The following INPP4B variants were observed in gnomAD, a reference collection of about 807,000 sequenced individuals.
INPP4B encodes the protein inositol polyphosphate-4-phosphatase type II B.
Under a neutral mutation model 122.5 loss-of-function variants are expected in INPP4B, and 55 were observed. The ratio of observed to expected loss-of-function variants is 0.45; its 90% CI spans 0.36 to 0.56. INPP4B has a LOEUF of 0.56. Ranked by LOEUF, INPP4B falls within the 20% of genes least tolerant of loss-of-function variation. INPP4B has a pLI of 0.00. For synonymous variants in INPP4B, 403 were observed against 388.7 expected (o/e 1.04, Z -0.43); for missense variants, 1,000 against 1,097.7 (o/e 0.91, Z 1.26).
In INPP4B at chr4:142,701,800, A is replaced by T. The variant is rs184205649; in HGVS notation, c.-191+24039T>A. On this transcript the variant is annotated intron_variant, in intron 2 of 25. Coordinates refer to ENST00000262992, the MANE Select transcript of INPP4B (RefSeq NM_001101669.3). ...GATAAACCCTTCTAGACATCTATCA[A>T]ATAGACACTTGGGTAGGTTGACTAC... is the stretch of plus-strand genomic sequence containing the variant. Among the ~76,000 whole-genome samples the T allele has an allele frequency of 2.2e-3, 335 of 152,284 alleles. 1 individual carries two copies. The highest frequency in any genetic ancestry group is 7.4e-3 in the African/African-American group (306 of 41,542).
chr4:142,393,768 G>A (rs959798980), intron 7 of INPP4B, among the ~76,000 whole-genome samples: 1 of 152,162 alleles, frequency 6.6e-6, no homozygotes, highest in Non-Finnish European at 1.5e-5. Flanking sequence ...TCAAACTGTG[G>A]TCAAATAAGG....
Position 142,716,315 on chromosome 4 carries a change from T to C in INPP4B, c.-191+9524A>G, listed in dbSNP as rs1763756482. Among the ~76,000 whole-genome samples, 3 of 152,202 alleles carry C rather than the reference T, an allele frequency of 2.0e-5. No individual in the cohort carries two copies. In the South Asian group the frequency reaches 6.2e-4, roughly 32 times the overall value. On this transcript the variant is annotated intron_variant, in intron 2 of 25. Transcript: ENST00000262992. ...TCAAACCTGTTTAATAACATACACA[T>C]ACATATTCTACAAAAATTAGCAAGC...
At chr4:142,345,439 A>T (rs1474321000) in intron 7 of INPP4B, among the ~76,000 whole-genome samples, 1 of 152,018 alleles carries the variant, frequency 6.6e-6, no homozygotes, top group East Asian at 1.9e-4. Context: ...AAAATTAAAG[A>T]AATGTGTATA....
intron 2 of INPP4B, among the ~76,000 whole-genome samples, chr4:142,482,792 A>G (rs985491416): frequency 2.6e-5 from 4 of 152,192 alleles, no homozygotes; most frequent in South Asian, 4.1e-4. Context: ...AGCATCTAGT[A>G]CTTCTCCTTT....
At chr4:142,786,281 C>T (rs556009855) in intron 1 of INPP4B, among the ~76,000 whole-genome samples, 38 of 152,190 alleles carry the variant, frequency 2.5e-4, no homozygotes, top group African/African-American at 9.1e-4. Context: ...ACTAAAACCT[C>T]ATATTGATGG....
rs542399708 is a variant in INPP4B at position 142,049,985 on chromosome 4, A to ACAAT, written c.2643-21075_2643-21072dup. Among the ~76,000 whole-genome samples, 11 of 152,140 alleles carry ACAAT rather than the reference A, an allele frequency of 7.2e-5. No individual in the cohort carries two copies. The South Asian group carries it at 2.1e-3, about 29-fold the overall frequency. Reference sequence around the variant, plus strand: ...ATATCTCATTACTCAAAATCACAAAACAATCAACTAAAGGCCTATGTTCTT... The same window carrying ACAAT: ...ATATCTCATTACTCAAAATCACAAAACAATCAATCAACTAAAGGCCTATGTTCTT... On this transcript the variant is annotated intron_variant, in intron 25 of 25. Coordinates refer to ENST00000262992, the MANE Select transcript of INPP4B (RefSeq NM_001101669.3).
intron 2 of INPP4B, among the ~76,000 whole-genome samples, chr4:142,708,088 G>A (rs1762672322): frequency 6.6e-6 from 1 of 152,150 alleles, no homozygotes; most frequent in African/African-American, 2.4e-5. Context: ...GAGATCTGTG[G>A]AACTTTGAAC....
At chr4:142,207,770 T>G (rs989847334) in intron 14 of INPP4B, among the ~76,000 whole-genome samples, 1 of 152,144 alleles carries the variant, frequency 6.6e-6, no homozygotes, top group African/African-American at 2.4e-5. Flanking sequence ...AATAAGTTCA[T>G]GAAAAAGCGA....
chr4:142,154,612 G>A (rs1816193225), intron 17 of INPP4B, among the ~76,000 whole-genome samples: 1 of 152,084 alleles, frequency 6.6e-6, no homozygotes, highest in Non-Finnish European at 1.5e-5. Context: ...GAAGGACATA[G>A]CTGGGTACTC....
intron 7 of INPP4B, among the ~76,000 whole-genome samples, chr4:142,378,532 T>C (rs1375876030): frequency 6.6e-6 from 1 of 152,120 alleles, no homozygotes; most frequent in Non-Finnish European, 1.5e-5. Flanking sequence ...TCCACATGTA[T>C]GCTAGGGAAG....
intron 2 of INPP4B, among the ~76,000 whole-genome samples, chr4:142,645,110 A>G (rs1048760839): frequency 6.6e-5 from 10 of 152,076 alleles, no homozygotes; most frequent in African/African-American, 2.2e-4. Flanking sequence ...AAATAATAAG[A>G]CTCATTTGTT....
intron 1 of INPP4B, among the ~76,000 whole-genome samples, chr4:142,766,419 T>A (rs982608241): frequency 1.3e-5 from 2 of 151,918 alleles, no homozygotes; most frequent in Non-Finnish European, 2.9e-5. Flanking sequence ...ATTCACTCTG[T>A]CACCCAGGCT....
At chr4:142,812,902 G>A (rs946630705) in intron 1 of INPP4B, among the ~76,000 whole-genome samples, 1 of 152,062 alleles carries the variant, frequency 6.6e-6, no homozygotes, top group African/African-American at 2.4e-5. Context: ...ACATATGGGG[G>A]ATTTTCATCT....
chr4:142,680,535 A>G (rs1758471051), intron 2 of INPP4B, among the ~76,000 whole-genome samples: 1 of 151,932 alleles, frequency 6.6e-6, no homozygotes, highest in Non-Finnish European at 1.5e-5. Flanking sequence ...GCAAAATTCT[A>G]GAATCAAAGG....
Position 142,752,527 on chromosome 4 carries a change from A to C in INPP4B, c.-253-26626T>G, listed in dbSNP as rs559671218. On this transcript the variant is annotated intron_variant, in intron 1 of 25. Transcript: ENST00000262992. ...ACACCCTGCTGGTTGCTGGAGGAGA[A>C]GAGGGAAGCTTTGTCCTTTCTCAGC... is the stretch of plus-strand genomic sequence containing the variant. Among the ~76,000 whole-genome samples, 7 of 152,226 alleles carry C rather than the reference A, an allele frequency of 4.6e-5. No individual in the cohort carries two copies. The East Asian group carries it at 1.4e-3, about 29-fold the overall frequency.
Position 142,711,932 on chromosome 4 carries a change from C to T in INPP4B, c.-191+13907G>A, listed in dbSNP as rs144312900. On this transcript the variant is annotated intron_variant, in intron 2 of 25. Transcript: ENST00000262992. ...CCATGGTGGTACATGACTGTAGTTC[C>T]AGTTACTCAAAAGACCGAGGCATGA... Among the ~76,000 whole-genome samples, 435 of 152,212 alleles carry T rather than the reference C, an allele frequency of 2.9e-3. 2 individuals are homozygous for T. Among genetic ancestry groups the T allele is most frequent in the African/African-American group, 9.6e-3 (397 of 41,518 alleles).
At chr4:142,634,356 C>T (rs762082475) in intron 2 of INPP4B, among the ~76,000 whole-genome samples, 1 of 151,932 alleles carries the variant, frequency 6.6e-6, no homozygotes, top group African/African-American at 2.4e-5. Flanking sequence ...TTTTTAAAAC[C>T]AAAACCAAAC....
intron 2 of INPP4B, among the ~76,000 whole-genome samples, chr4:142,530,674 G>A (rs912865895): frequency 6.6e-6 from 1 of 151,900 alleles, no homozygotes; most frequent in Non-Finnish European, 1.5e-5. Flanking sequence ...GTTTTAGATA[G>A]GGTGTTCATC....
intron 1 of INPP4B, among the ~76,000 whole-genome samples, chr4:142,841,678 G>A (rs920892853): frequency 6.6e-6 from 1 of 151,776 alleles, no homozygotes; most frequent in Non-Finnish European, 1.5e-5. Context: ...AAATCTCGAA[G>A]TTCTCCTTCA....
Sources: allele counts gnomAD v4.1 joint callset (sites outside exome capture counted in the v4.1 genomes callset), GRCh38; gene constraint gnomAD v4.1.1; transcripts MANE v1.5; gene names NCBI Gene and HGNC (gene_info 2026-07-23, HGNC 2026-07-21).